ANXA3: variants seen among roughly 807,000 people sequenced by gnomAD.
ANXA3 encodes the protein 35-alpha calcimedin.
Under a neutral mutation model 48.8 loss-of-function variants are expected in ANXA3, and 46 were observed. The observed-to-expected ratio is 0.94, with a 90% CI of 0.74 to 1.21. ANXA3 has a LOEUF of 1.21. Ranked by LOEUF, ANXA3 falls within the 50% of genes most tolerant of loss-of-function variation. The pLI is 0.00. For missense variants in ANXA3, 383 were observed against 378.6 expected (o/e 1.01, Z -0.10); for synonymous variants, 128 against 134.7 (o/e 0.95, Z 0.35).
chr4:78,575,860 A>G (rs1722940502), intron 3 of ANXA3, among the ~76,000 whole-genome samples: 1 of 151,988 alleles, frequency 6.6e-6, no homozygotes, highest in Non-Finnish European at 1.5e-5. Flanking sequence ...TATTTTTCGT[A>G]TTATGATCTT....
chr4:78,592,498 T>G (rs978629591), intron 7 of ANXA3, among the ~76,000 whole-genome samples: 7 of 152,226 alleles, frequency 4.6e-5, no homozygotes, highest in African/African-American at 1.7e-4. Context: ...GAAGCATTGC[T>G]GCAAACATAT....
At chr4:78,596,167 G>T (rs1227713991) in intron 9 of ANXA3, among the ~76,000 whole-genome samples, 3 of 152,162 alleles carry the variant, frequency 2.0e-5, no homozygotes, top group Non-Finnish European at 2.9e-5. Flanking sequence ...CACCCTCTAG[G>T]GTGAGAGTAG....
chr4:78,579,736 C>A (rs1357409752), intron 4 of ANXA3, among the ~76,000 whole-genome samples: 1 of 152,056 alleles, frequency 6.6e-6, no homozygotes, highest in Admixed American at 6.6e-5. Context: ...TGAGACCAGC[C>A]TGGCCAACAT....
intron 2 of ANXA3, among the ~76,000 whole-genome samples, chr4:78,566,339 A>G (rs1722730582): frequency 6.6e-6 from 1 of 152,066 alleles, no homozygotes; most frequent in African/African-American, 2.4e-5. Flanking sequence ...TGATGAAATC[A>G]CTCTATTTAA....
At chr4:78,554,372 G>C in intron 1 of ANXA3, 64 bp from the exon 2 acceptor site, 1 of 1,141,558 alleles carries the variant, frequency 8.8e-7, no homozygotes, top group Non-Finnish European at 1.3e-6. Flanking sequence ...TTAAGGGTTG[G>C]ACTAAGATTA....
chr4:78,572,971 G>A, intron 2 of ANXA3: 2 of 659,566 alleles, frequency 3.0e-6, no homozygotes, highest in South Asian at 1.5e-5. Flanking sequence ...CAGCCTGTGA[G>A]GCTAGAAGCA....
At chr4:78,594,502 G>T (rs867107447) in intron 7 of ANXA3, among the ~76,000 whole-genome samples, 3 of 152,192 alleles carry the variant, frequency 2.0e-5, no homozygotes, top group Non-Finnish European at 4.4e-5. Flanking sequence ...TTTCATATCA[G>T]CAGTGAATGA....
chr4:78,553,613 T>C (rs114791377), intron 1 of ANXA3, among the ~76,000 whole-genome samples: 4,407 of 152,286 alleles, frequency 0.029, 239 homozygotes, highest in African/African-American at 0.1. Context: ...AGCATGTATT[T>C]AGAGAGATGC....
At chr4:78,580,606 A>T (rs907796671) in intron 4 of ANXA3, among the ~76,000 whole-genome samples, 5 of 152,294 alleles carry the variant, frequency 3.3e-5, no homozygotes, top group Admixed American at 2.0e-4. Flanking sequence ...GTACAAACAG[A>T]CCCGGCCAAC....
At chr4:78,584,282 C>A (rs893565796) in intron 5 of ANXA3, among the ~76,000 whole-genome samples, 1 of 152,124 alleles carries the variant, frequency 6.6e-6, no homozygotes. Context: ...TGGCAAGCCT[C>A]CAACTTCAGC....
intron 6 of ANXA3, among the ~76,000 whole-genome samples, chr4:78,588,339 G>A (rs1723220279): frequency 6.6e-6 from 1 of 152,130 alleles, no homozygotes; most frequent in Non-Finnish European, 1.5e-5. Context: ...GCCACAGTAA[G>A]CCTTGATCAT....
At chr4:78,565,820 A>G (rs944353925) in intron 2 of ANXA3, among the ~76,000 whole-genome samples, 1 of 152,200 alleles carries the variant, frequency 6.6e-6, no homozygotes, top group African/African-American at 2.4e-5. Flanking sequence ...TAAGTGTCAG[A>G]AGGGGGAAGA....
chr4:78,569,652 A>T (rs1294309076), intron 2 of ANXA3, among the ~76,000 whole-genome samples: 4 of 152,228 alleles, frequency 2.6e-5, no homozygotes, highest in Non-Finnish European at 1.5e-5. Flanking sequence ...CTGGCCCTGC[A>T]GTTGTTGGTT....
At chr4:78,577,277 A>G (rs890768148) in intron 3 of ANXA3, among the ~76,000 whole-genome samples, 1 of 152,208 alleles carries the variant, frequency 6.6e-6, no homozygotes, top group South Asian at 2.1e-4. Flanking sequence ...TTGCTATAAT[A>G]TAGAGAATAA....
chr4:78,561,836 A>G (rs925324671), intron 2 of ANXA3, among the ~76,000 whole-genome samples: 6 of 152,182 alleles, frequency 3.9e-5, no homozygotes, highest in Admixed American at 3.3e-4. Flanking sequence ...AGATACACAA[A>G]TGGTCTTTTG....
intron 2 of ANXA3, among the ~76,000 whole-genome samples, chr4:78,560,329 A>G (rs1416818900): frequency 6.6e-6 from 1 of 152,200 alleles, no homozygotes; most frequent in African/African-American, 2.4e-5. Context: ...CCAACTGGCT[A>G]TAAATTTAGG....
In ANXA3 at chr4:78,610,290, C is replaced by A. The variant is rs1188383907; in HGVS notation, c.*175C>A. 1 of 437,374 alleles carries A rather than the reference C, an allele frequency of 2.3e-6. No individual in the cohort carries two copies. The highest frequency in any genetic ancestry group is 3.5e-5 in the East Asian group (1 of 28,930). 27.1% of individuals were successfully genotyped at this position (437,374 alleles called of 1,614,324 possible). On this transcript the variant is annotated 3_prime_UTR_variant, in exon 13 of 13. Coordinates refer to ENST00000264908, the MANE Select transcript of ANXA3 (RefSeq NM_005139.3). ...AAGCGATTATTATTTTAGAGCATCT[C>A]ATTTATAATGTAGCAGCTCATAAAT...
intron 2 of ANXA3, among the ~76,000 whole-genome samples, chr4:78,570,140 A>T (rs1002821461): frequency 6.6e-6 from 1 of 152,242 alleles, no homozygotes; most frequent in African/African-American, 2.4e-5. Context: ...ATTCCACTTC[A>T]GAATTCCCAA....
intron 10 of ANXA3, among the ~76,000 whole-genome samples, chr4:78,599,662 A>G (rs187449207): frequency 2.4e-4 from 36 of 152,330 alleles, no homozygotes; most frequent in Non-Finnish European, 3.5e-4. Flanking sequence ...CCTGGGCAAC[A>G]TAGTGAGAGC....
Sources: allele counts gnomAD v4.1 joint callset (sites outside exome capture counted in the v4.1 genomes callset), GRCh38; gene constraint gnomAD v4.1.1; transcripts MANE v1.5; gene names NCBI Gene and HGNC (gene_info 2026-07-23, HGNC 2026-07-21).